SYTL2: variants seen among roughly 807,000 people sequenced by gnomAD.
SYTL2 encodes the protein synaptotagmin like 2.
In SYTL2, 165 loss-of-function variants were observed where a neutral mutation model predicts 198.7. The ratio of observed to expected loss-of-function variants is 0.83; its 90% CI spans 0.73 to 0.94. The LOEUF is 0.94. SYTL2 is among the 40% of genes least tolerant of loss of function. The probability of loss-of-function intolerance (pLI) is 0.00; values close to 1 mark genes in which losing one functional copy is unlikely to be tolerated. For synonymous variants in SYTL2, 966 were observed against 917.7 expected, an observed-to-expected ratio of 1.05 and a Z score of -0.95; for missense variants, 2,835 against 2,582.8, an observed-to-expected ratio of 1.10 and a Z score of -2.12.
At chr11:85,812,696 A>G (rs2093050615), upstream of SYTL2, among the ~76,000 whole-genome samples, 1 of 152,192 alleles carries the variant, frequency 6.6e-6, no homozygotes. Flanking sequence ...AGGCAGAGAC[A>G]TGGAGATGCC....
At chr11:85,811,436 T>C (rs995475178), upstream of SYTL2, among the ~76,000 whole-genome samples, 5 of 152,144 alleles carry the variant, frequency 3.3e-5, no homozygotes, top group African/African-American at 7.2e-5. Flanking sequence ...ACTGTTGTTA[T>C]TGTTATTATT....
At chr11:85,811,545 G>C (rs989772094), upstream of SYTL2, among the ~76,000 whole-genome samples, 12 of 152,202 alleles carry the variant, frequency 7.9e-5, no homozygotes, top group Non-Finnish European at 1.2e-4. Flanking sequence ...GCAGGGAAAG[G>C]GGCGCGGAGG....
intron 1 of SYTL2, among the ~76,000 whole-genome samples, chr11:85,792,414 T>C (rs1460416667): frequency 6.6e-6 from 1 of 152,044 alleles, no homozygotes; most frequent in Non-Finnish European, 1.5e-5. Flanking sequence ...TAGATTAACT[T>C]TGGAGCCCAT....
the SYTL2 span, among the ~76,000 whole-genome samples, chr11:85,833,427 CAT>C: frequency 1.4e-5 from 2 of 147,614 alleles, no homozygotes; most frequent in South Asian, 4.2e-4. Context: ...ATGTATATCA[CAT>C]ATATATGATT....
upstream of SYTL2, among the ~76,000 whole-genome samples, chr11:85,814,319 C>A (rs981029406): frequency 6.6e-6 from 1 of 152,132 alleles, no homozygotes. Flanking sequence ...CTTTTATTGT[C>A]CCCCTCCTTC....
At chr11:85,825,949 G>A in the SYTL2 span, among the ~76,000 whole-genome samples, 17 of 152,332 alleles carry the variant, frequency 1.1e-4, no homozygotes, top group African/African-American at 3.1e-4. Flanking sequence ...GGTCTTAGCA[G>A]CATAGCAACT....
chr11:85,713,668 T>C (rs564273002), intron 12 of SYTL2, among the ~76,000 whole-genome samples: 1 of 152,312 alleles, frequency 6.6e-6, no homozygotes, highest in South Asian at 2.1e-4. Context: ...TCTTCATTTG[T>C]AAAATGAAGA....
At position 85,707,521 on chromosome 11, in the gene SYTL2, C is replaced by A. The variant is rs2085382796; in HGVS notation, c.5926G>T (p.Ala1976Ser). ...KKQRSDPYVK[A>S]YLLPDKGKMG... ...TTGCCTTTGTCTGGTAGCAAATAGG[C>A]CTTTACATATCTGAAAAGGAGAATT... Residue 1976 changes from alanine to serine, a missense_variant, in exon 15 of 20, where the codon GCC becomes TCC. Ala to Ser is a moderately conservative substitution (Grantham distance 99). Transcript: ENST00000359152. 6.2e-7 allele frequency: 1 copy of A among 1,605,644 alleles called. No individual in the cohort carries two copies. Among genetic ancestry groups the A allele is most frequent in the Admixed American group, 1.7e-5 (1 of 59,562 alleles).
intron 1 of SYTL2, among the ~76,000 whole-genome samples, chr11:85,778,358 C>T (rs1464791529): frequency 6.6e-6 from 1 of 152,188 alleles, no homozygotes; most frequent in Admixed American, 6.5e-5. Flanking sequence ...TAGTGTTACC[C>T]AGGAGTGGTT....
rs2090458542 is a variant in SYTL2 at position 85,737,672 on chromosome 11, T to A, written c.390-16A>T. 2.5e-6 allele frequency: 4 copies of A among 1,602,834 alleles called. 1 individual carries two copies. In the South Asian group the frequency reaches 4.4e-5, roughly 18 times the overall value. Reference sequence around the variant, plus strand: ...CACACTGGAACTGCAAAAGAAACAATAATTCAGAGAATAAAACCTCACCTT... The same window carrying A: ...CACACTGGAACTGCAAAAGAAACAAAAATTCAGAGAATAAAACCTCACCTT... On this transcript the variant is annotated splice_polypyrimidine_tract_variant and intron_variant, in intron 4 of 19. Transcript: ENST00000359152.
chr11:85,760,914 A>C (rs2092077808), intron 1 of SYTL2, among the ~76,000 whole-genome samples: 1 of 152,222 alleles, frequency 6.6e-6, no homozygotes, highest in African/African-American at 2.4e-5. Flanking sequence ...ATCAGTGCCC[A>C]ATCAAACTGT....
At chr11:85,771,393 C>T (rs1225801861) in intron 1 of SYTL2, among the ~76,000 whole-genome samples, 1 of 152,218 alleles carries the variant, frequency 6.6e-6, no homozygotes, top group Non-Finnish European at 1.5e-5. Flanking sequence ...TCCCAACCAA[C>T]AGTAATAAAG....
chr11:85,833,102 G>GGAAA, the SYTL2 span, among the ~76,000 whole-genome samples: 16 of 28,238 alleles, frequency 5.7e-4, 1 homozygote, highest in South Asian at 1.2e-3. Flanking sequence ...AAAGAAAGAA[G>GGAAA]GAAGGAAGGA....
At chr11:85,810,655 G>C (rs2093020007) in intron 1 of SYTL2, among the ~76,000 whole-genome samples, 1 of 151,806 alleles carries the variant, frequency 6.6e-6, no homozygotes, top group Admixed American at 6.6e-5. Context: ...GCCCAGGTCA[G>C]TCCCTGAAAG....
chr11:85,773,504 A>G (rs2092396688), intron 1 of SYTL2, among the ~76,000 whole-genome samples: 1 of 152,192 alleles, frequency 6.6e-6, no homozygotes, highest in Admixed American at 6.5e-5. Context: ...AAGTGGAGTT[A>G]GAGTCTCCTC....
the SYTL2 span, chr11:85,854,500 G>A: frequency 6.6e-6 from 1 of 151,856 alleles, no homozygotes; most frequent in Non-Finnish European, 1.5e-5. Context: ...TTAGGTTTAC[G>A]AACAAAAAAG....
Position 85,740,129 on chromosome 11 carries a change from T to C in SYTL2, c.390-2473A>G, listed in dbSNP as rs540165683. The stretch of plus-strand genomic sequence containing the variant: ...ACCTTTGCAGGATCCTCAAGGCCTG[T>C]GGAATGAAGTCTGAACTCCTTGGCA... On this transcript the variant is annotated intron_variant, in intron 4 of 19. Coordinates refer to ENST00000359152, the MANE Select transcript of SYTL2 (RefSeq NM_206927.4). 4.9e-4 allele frequency among the ~76,000 whole-genome samples: 75 copies of C among 152,298 alleles called. 2 individuals carry two copies. The highest frequency in any genetic ancestry group is 1.6e-3 in the African/African-American group (67 of 41,576).
Position 85,745,829 on chromosome 11 carries a change from C to T in SYTL2, c.254-57G>A. 3 of 1,549,342 alleles carry T rather than the reference C, an allele frequency of 1.9e-6. No individual in the cohort carries two copies. In the East Asian group the frequency reaches 6.8e-5, roughly 35 times the overall value. ...TATCTCTCACCTCCATGACCTACAA[C>T]TCTCTTATCAGCTCTTATCACTGAA... On this transcript the variant is annotated intron_variant, in intron 3 of 19. Coordinates refer to ENST00000359152, the MANE Select transcript of SYTL2 (RefSeq NM_206927.4).
At chr11:85,850,621 T>G in the SYTL2 span, among the ~76,000 whole-genome samples, 6 of 151,124 alleles carry the variant, frequency 4.0e-5, no homozygotes, top group African/African-American at 7.3e-5. Flanking sequence ...AGTGTGGCGA[T>G]TCCTCAGGGA....
Sources: gnomAD v4.1 joint callset for allele counts (sites outside exome capture counted in the v4.1 genomes callset) on GRCh38, gnomAD v4.1.1 for gene constraint, MANE v1.5 for transcripts, NCBI Gene and HGNC (gene_info 2026-07-23, HGNC 2026-07-21) for gene names.